Variants in SRP72 observed in about 807,000 individuals in gnomAD.
SRP72 encodes the protein signal recognition particle subunit SRP72.
In SRP72, 49 loss-of-function variants were observed where a neutral mutation model predicts 96.3. The observed-to-expected ratio is 0.51, with a 90% confidence interval of 0.40 to 0.65. The LOEUF (loss-of-function observed/expected upper bound fraction) is 0.65, where lower values mean the gene tolerates loss of function less well. Among genes scored for constraint, SRP72 ranks in the 30% least tolerant of loss-of-function variants. The pLI is 0.00. For missense variants in SRP72, 736 were observed against 793.3 expected (o/e 0.93, Z 0.87); for synonymous variants, 267 against 275.2 (o/e 0.97, Z 0.30).
chr4:56,485,304 G>C (rs976650114), intron 10 of SRP72, among the ~76,000 whole-genome samples: 1 of 150,272 alleles, frequency 6.7e-6, no homozygotes, highest in African/African-American at 2.5e-5. Flanking sequence ...AAACTACATT[G>C]GAAAGTTGGA....
At chr4:56,475,663 G>A (rs1720186610) in intron 5 of SRP72, 2 of 152,038 alleles carry the variant, frequency 1.3e-5, no homozygotes, top group African/African-American at 4.8e-5. Context: ...CACTGCACCT[G>A]GCAGAATTAT....
intron 8 of SRP72, among the ~76,000 whole-genome samples, chr4:56,478,955 TTAAG>T (rs2110117830): frequency 6.6e-6 from 1 of 152,278 alleles, no homozygotes; most frequent in South Asian, 2.1e-4. Flanking sequence ...TTTTAAACTT[TTAAG>T]TATACGCATG....
intron 8 of SRP72, 39 bp from the exon 9 acceptor site, chr4:56,483,100 T>A: frequency 6.4e-7 from 1 of 1,566,028 alleles, no homozygotes; most frequent in Admixed American, 1.8e-5. Context: ...AGTTGAAATC[T>A]GAGATTCTGT....
intron 9 of SRP72, 104 bp from the exon 10 acceptor site, chr4:56,484,632 T>G: frequency 6.9e-7 from 1 of 1,455,984 alleles, no homozygotes. Context: ...CTTTGGTTAA[T>G]ATTTGTTTCA....
chr4:56,489,215 A>G (rs1004144258), intron 12 of SRP72, 173 bp from the exon 13 acceptor site: 14 of 419,262 alleles, frequency 3.3e-5, no homozygotes, highest in Non-Finnish European at 5.9e-5. Flanking sequence ...ACGGTTGTTC[A>G]TGGTATTTCT....
intron 17 of SRP72, among the ~76,000 whole-genome samples, chr4:56,499,069 C>G (rs535986740): frequency 6.7e-4 from 102 of 152,246 alleles, no homozygotes; most frequent in African/African-American, 2.4e-3. Flanking sequence ...CAAAACAGAT[C>G]TGTAGACCAA....
Position 56,483,220 on chromosome 4 carries a change from C to CT in SRP72, c.908dup (p.Gln304ThrfsTer6). 6.2e-7 allele frequency: 1 copy of CT among 1,612,574 alleles called. No homozygotes were observed. The highest frequency in any genetic ancestry group is 1.1e-5 in the South Asian group (1 of 90,984). On this transcript the variant is annotated frameshift_variant, in exon 9 of 19. Coordinates refer to ENST00000642900, the MANE Select transcript of SRP72 (RefSeq NM_006947.4). LOFTEE classifies it high-confidence loss of function. ...AGAGTTTAAGCTTTCCAAGAAACAA[C>CT]TACAAGCTATAGAATTTAACAAAGC...
chr4:56,478,838 G>A (rs1720353735), intron 8 of SRP72, among the ~76,000 whole-genome samples, 189 bp downstream of exon 8: 1 of 152,228 alleles, frequency 6.6e-6, no homozygotes, highest in East Asian at 1.9e-4. Flanking sequence ...GTATACTCAA[G>A]TAATAAAACC....
chr4:56,477,638 C>G (rs1720301113), intron 6 of SRP72, among the ~76,000 whole-genome samples: 1 of 152,156 alleles, frequency 6.6e-6, no homozygotes, highest in African/African-American at 2.4e-5. Flanking sequence ...ATTTCCTCAT[C>G]AAACACAACT....
intron 14 of SRP72, 53 bp downstream of exon 14, chr4:56,490,489 G>A: frequency 6.3e-7 from 1 of 1,596,096 alleles, no homozygotes; most frequent in Non-Finnish European, 8.6e-7. Context: ...GTTGCTACTT[G>A]ATATGAGGGA....
intron 3 of SRP72, 89 bp downstream of exon 3, chr4:56,471,932 C>T: frequency 6.7e-7 from 1 of 1,496,844 alleles, no homozygotes; most frequent in Middle Eastern, 1.8e-4. Flanking sequence ...AAACCCAGCC[C>T]ATCCTGATGC....
At chr4:56,476,057 G>A (rs1380081460) in intron 5 of SRP72, 5 of 152,402 alleles carry the variant, frequency 3.3e-5, no homozygotes, top group Admixed American at 3.3e-4. Context: ...ATATTGAATG[G>A]GGAAGGGAGG....
Position 56,490,688 on chromosome 4 carries a change from A to G in SRP72, c.1502+43A>G, listed in dbSNP as rs374085196. The G allele has an allele frequency of 1.3e-5, 19 of 1,484,992 alleles. No homozygotes were observed. In the South Asian group the frequency reaches 2.2e-4, roughly 17 times the overall value. The allele number at this position is 1,484,992 out of a possible 1,614,324, so 92.0% of individuals were successfully genotyped here. A position where few individuals can be genotyped will look rare whatever the true frequency, so the allele number is the denominator to read the frequency against. On this transcript the variant is annotated intron_variant, in intron 15 of 18. Coordinates refer to ENST00000642900, the MANE Select transcript of SRP72 (RefSeq NM_006947.4). ...ATTCCTTACAGCTCCTCAGTAGCAC[A>G]ATAGATCTCTTCTGATATCTGTGTT...
Position 56,484,742 on chromosome 4 carries a change from C to A in SRP72, c.964C>A (p.Gln322Lys), listed in dbSNP as rs1305579684. 1 of 1,614,046 alleles carries A rather than the reference C, an allele frequency of 6.2e-7. No homozygotes were observed. The highest frequency in any genetic ancestry group is 1.1e-5 in the South Asian group (1 of 91,070). Residue 322 changes from glutamine to lysine, a missense_variant, in exon 10 of 19, where the codon CAA becomes AAA. Gln to Lys is a moderately conservative substitution (Grantham distance 53, BLOSUM62 1). This residue lies in a region of SRP72 where 388 missense variants were observed against 431.8 expected (regional missense o/e 0.90). Transcript: ENST00000642900. ...LLAMYTNQAE[Q>K]CRKISASLQS... ...GGGGTTGGATATCTTCTAGGCTGAA[C>A]AATGCCGCAAAATATCTGCCAGTTT...
rs539665243 is a variant in SRP72 at position 56,484,026 on chromosome 4, ATTTTTTTTTTT to A, written c.958-695_958-685del. On this transcript the variant is annotated intron_variant, in intron 9 of 18. Coordinates refer to ENST00000642900, the MANE Select transcript of SRP72 (RefSeq NM_006947.4). ...TTTAGTGGGAGACAGAGAAGCAGTA[ATTTTTTTTTTT>A]TTTTTTTTTTTTTTGAGATGGAGTC... is the stretch of plus-strand genomic sequence containing the variant. Among the ~76,000 whole-genome samples, 10 of 86,618 alleles carry A rather than the reference ATTTTTTTTTTT, an allele frequency of 1.2e-4. No individual in the cohort carries two copies. In the Admixed American group the frequency reaches 1.2e-3, roughly 10 times the overall value. The allele number at this position is 86,618 out of a possible 152,430, so 56.8% of individuals were successfully genotyped here.
chr4:56,490,775 C>G lies in SRP72; in HGVS notation c.1502+130C>G, dbSNP rs1415281295. On this transcript the variant is annotated intron_variant, in intron 15 of 18. Transcript: ENST00000642900. ...CAAATCCTCCTTTTAACTAGTAAAACCAAAAAATGAGAATTTATTGATCAG... is the reference window on the plus strand; with the variant it reads ...CAAATCCTCCTTTTAACTAGTAAAAGCAAAAAATGAGAATTTATTGATCAG... 4 of 723,900 alleles carry G rather than the reference C, an allele frequency of 5.5e-6. No homozygotes were observed. The African/African-American group carries it at 7.3e-5, about 13-fold the overall frequency. 44.8% of individuals were successfully genotyped at this position (723,900 alleles called of 1,614,324 possible).
chr4:56,470,871 A>G (rs945474750), intron 2 of SRP72, among the ~76,000 whole-genome samples: 30 of 139,738 alleles, frequency 2.1e-4, no homozygotes, highest in African/African-American at 8.2e-4. Context: ...TCTGTCGCCC[A>G]GGCTGGTGGA....
At chr4:56,494,407 C>CTTTT (rs56291298) in intron 16 of SRP72, among the ~76,000 whole-genome samples, 4 of 138,220 alleles carry the variant, frequency 2.9e-5, no homozygotes, top group African/African-American at 8.1e-5. Context: ...TTTCAGAATG[C>CTTTT]TTTTTTTTTT....
chr4:56,500,736 G>A (rs772823443), intron 18 of SRP72, 41 bp downstream of exon 18: 15 of 1,563,220 alleles, frequency 9.6e-6, no homozygotes, highest in Admixed American at 3.9e-5. Flanking sequence ...TAGAACATAC[G>A]TTGTTTCTAG....
Sources: allele counts gnomAD v4.1 joint callset (sites outside exome capture counted in the v4.1 genomes callset), GRCh38; gene constraint gnomAD v4.1.1; regional missense constraint gnomAD v4.1.1; transcripts MANE v1.5; gene names NCBI Gene and HGNC (gene_info 2026-07-23, HGNC 2026-07-21).